ASPRV1: variants seen among roughly 807,000 people sequenced by gnomAD.
ASPRV1 encodes the protein retroviral-like aspartic protease 1.
In ASPRV1, 7 loss-of-function variants were observed where a neutral mutation model predicts 11.0. The observed-to-expected ratio is 0.64, with a 90% CI of 0.36 to 1.20. The LOEUF is 1.20. Among genes scored for constraint, ASPRV1 ranks in the 50% most tolerant of loss-of-function variants. The pLI, the probability that ASPRV1 is intolerant of heterozygous loss-of-function variation, is 0.02. For synonymous variants in ASPRV1, 136 were observed against 138.4 expected (o/e 0.98, Z 0.12); for missense variants, 299 against 320.0 (o/e 0.93, Z 0.50).
At chr2:69,994,529 C>T in the ASPRV1 span, among the ~76,000 whole-genome samples, 7 of 152,140 alleles carry the variant, frequency 4.6e-5, no homozygotes, top group Admixed American at 2.6e-4. Flanking sequence ...GGTACAGTAA[C>T]GGGCAGCCTG....
chr2:69,941,452 T>C, the ASPRV1 span: 1 of 152,214 alleles, frequency 6.6e-6, no homozygotes. Context: ...TCAAAATGCA[T>C]CACATTTTTA....
the ASPRV1 span, among the ~76,000 whole-genome samples, chr2:70,082,213 G>A: frequency 6.6e-6 from 1 of 151,910 alleles, no homozygotes. Context: ...TCGAACTCCT[G>A]ACCTCAGATG....
At chr2:69,938,537 A>G in the ASPRV1 span, 1 of 441,014 alleles carries the variant, frequency 2.3e-6, no homozygotes, top group Non-Finnish European at 4.1e-6. Flanking sequence ...GAAGCATCCA[A>G]GAATTCTTAG....
the ASPRV1 span, among the ~76,000 whole-genome samples, chr2:70,064,586 C>A: frequency 6.6e-6 from 1 of 152,110 alleles, no homozygotes; most frequent in Non-Finnish European, 1.5e-5. Context: ...CAATGAAGAG[C>A]ACACGCAAAG....
the ASPRV1 span, chr2:70,051,248 T>TA: frequency 2.6e-5 from 4 of 152,184 alleles, no homozygotes; most frequent in Non-Finnish European, 5.9e-5. Context: ...ATTCAGCCCC[T>TA]AGCAGGCTGG....
At chr2:70,009,214 G>A in the ASPRV1 span, among the ~76,000 whole-genome samples, 1 of 152,108 alleles carries the variant, frequency 6.6e-6, no homozygotes, top group East Asian at 1.9e-4. Context: ...GGGAAGGGGT[G>A]CAAGAAGAGC....
At chr2:70,064,995 T>C in the ASPRV1 span, among the ~76,000 whole-genome samples, 1 of 152,088 alleles carries the variant, frequency 6.6e-6, no homozygotes, top group Admixed American at 6.6e-5. Context: ...CTGAGGAGGC[T>C]GAGGCACAAG....
the ASPRV1 span, among the ~76,000 whole-genome samples, chr2:70,052,904 C>G: frequency 1.3e-5 from 2 of 152,186 alleles, no homozygotes; most frequent in African/African-American, 2.4e-5. Context: ...CCTGGCTCAT[C>G]ATATGGAGGT....
chr2:69,961,584 A>G lies in ASPRV1; in HGVS notation c.-148T>C, dbSNP rs778917996. On this transcript the variant is annotated 5_prime_UTR_variant, in exon 1 of 1. Transcript: ENST00000320256. ...CGGCCTTGGGCAAGCAGGAGGGAGC[A>G]GGCGCGGTCGGCTGGCTGACTGCTG... is the stretch of plus-strand genomic sequence containing the variant. The G allele has an allele frequency of 1.9e-6, 3 of 1,613,446 alleles. No individual in the cohort carries two copies. The highest frequency in any genetic ancestry group is 2.5e-6 in the Non-Finnish European group (3 of 1,179,518).
chr2:69,982,766 T>C, the ASPRV1 span, among the ~76,000 whole-genome samples: 1 of 152,122 alleles, frequency 6.6e-6, no homozygotes, highest in African/African-American at 2.4e-5. Flanking sequence ...CACAAAACCT[T>C]AGGCCTCTGA....
chr2:70,076,701 C>T, the ASPRV1 span, among the ~76,000 whole-genome samples: 1 of 152,172 alleles, frequency 6.6e-6, no homozygotes, highest in African/African-American at 2.4e-5. Flanking sequence ...TCTAGCTTGG[C>T]AAAATCATCT....
chr2:70,001,595 T>C, the ASPRV1 span, among the ~76,000 whole-genome samples: 1 of 151,972 alleles, frequency 6.6e-6, no homozygotes, highest in South Asian at 2.1e-4. Flanking sequence ...CTGTCTCTAT[T>C]AAAAATACAA....
the ASPRV1 span, among the ~76,000 whole-genome samples, chr2:70,042,786 C>T: frequency 2.0e-5 from 3 of 152,070 alleles, no homozygotes; most frequent in South Asian, 4.1e-4. Flanking sequence ...GGGTACAGAC[C>T]TTGCCAAACT....
the ASPRV1 span, among the ~76,000 whole-genome samples, chr2:70,071,279 T>G: frequency 6.6e-6 from 1 of 152,126 alleles, no homozygotes; most frequent in Non-Finnish European, 1.5e-5. Context: ...ATTTACAAAG[T>G]AGGGAGAAGT....
the ASPRV1 span, among the ~76,000 whole-genome samples, chr2:70,039,403 T>C: frequency 1.3e-5 from 2 of 152,252 alleles, no homozygotes; most frequent in African/African-American, 2.4e-5. Flanking sequence ...TCCTGGGAAT[T>C]TGAAGAAATC....
At chr2:70,023,598 C>G in the ASPRV1 span, among the ~76,000 whole-genome samples, 1 of 150,686 alleles carries the variant, frequency 6.6e-6, no homozygotes, top group African/African-American at 2.5e-5. Context: ...ACTTGAACCC[C>G]GGGAGGCAGA....
upstream of ASPRV1, among the ~76,000 whole-genome samples, chr2:69,964,937 A>AATCAAGACAAGCCCAAGACTGGGCCC (rs1199950414): frequency 1.1e-4 from 16 of 152,300 alleles, 1 homozygote; most frequent in Middle Eastern, 0.01. Flanking sequence ...CAGTTGGGCA[A>AATCAAGACAAGCCCAAGACTGGGCCC]ATCAAGACAA....
chr2:70,058,583 G>C, the ASPRV1 span, among the ~76,000 whole-genome samples: 1 of 141,122 alleles, frequency 7.1e-6, no homozygotes, highest in Non-Finnish European at 1.5e-5. Flanking sequence ...ACAAAGTCTC[G>C]CTCTTGTACC....
At chr2:70,014,214 A>C in the ASPRV1 span, among the ~76,000 whole-genome samples, 1 of 152,200 alleles carries the variant, frequency 6.6e-6, no homozygotes, top group African/African-American at 2.4e-5. Context: ...CACTTTCAGC[A>C]GAGTAAAAAA....
Sources: gnomAD v4.1 joint callset for allele counts (sites outside exome capture counted in the v4.1 genomes callset) on GRCh38, gnomAD v4.1.1 for gene constraint, MANE v1.5 for transcripts, NCBI Gene and HGNC (gene_info 2026-07-23, HGNC 2026-07-21) for gene names.